The following SUGCT variants were observed in gnomAD, a reference collection of about 807,000 sequenced individuals.
The protein encoded by SUGCT is succinyl-CoA:glutarate CoA-transferase.
In SUGCT, 41 loss-of-function variants were observed where a neutral mutation model predicts 55.0. That is an observed-to-expected ratio of 0.74 (90% CI 0.58 to 0.97). The LOEUF (loss-of-function observed/expected upper bound fraction) is 0.97, where lower values mean the gene tolerates loss of function less well. Ranked by LOEUF, SUGCT falls within the 50% of genes least tolerant of loss-of-function variation. SUGCT has a pLI of 0.00. For missense variants in SUGCT, 568 were observed against 547.8 expected (o/e 1.04, Z -0.37); for synonymous variants, 187 against 200.4 (o/e 0.93, Z 0.56).
chr7:40,396,244 G>A (rs1302227378), intron 9 of SUGCT, among the ~76,000 whole-genome samples: 1 of 152,074 alleles, frequency 6.6e-6, no homozygotes, highest in Non-Finnish European at 1.5e-5. Context: ...TCTGACATGG[G>A]GAAGTCAAAT....
intron 9 of SUGCT, among the ~76,000 whole-genome samples, chr7:40,391,879 CA>C (rs1408018395): frequency 6.6e-6 from 1 of 152,128 alleles, no homozygotes; most frequent in African/African-American, 2.4e-5. Context: ...GACTTGGAAC[CA>C]ACCCAAAGGT....
chr7:40,940,996 T>C, the SUGCT span, among the ~76,000 whole-genome samples: 2 of 152,240 alleles, frequency 1.3e-5, no homozygotes, highest in South Asian at 4.1e-4. Flanking sequence ...TAGTATGTTG[T>C]TGGCTGTGGG....
intron 12 of SUGCT, among the ~76,000 whole-genome samples, chr7:40,676,497 G>GTTTTTTTTT (rs1280564538): frequency 1.6e-5 from 2 of 127,642 alleles, no homozygotes; most frequent in African/African-American, 3.4e-5. Context: ...TTGCGGTTTT[G>GTTTTTTTTT]TTTTTTGTTT....
chr7:40,681,459 TG>T (rs1171708479), intron 12 of SUGCT, among the ~76,000 whole-genome samples: 1 of 152,088 alleles, frequency 6.6e-6, no homozygotes, highest in Non-Finnish European at 1.5e-5. Flanking sequence ...AGAACCCAAC[TG>T]GGGCCCACTT....
At chr7:40,700,972 C>A (rs1214308249) in intron 12 of SUGCT, among the ~76,000 whole-genome samples, 2 of 152,116 alleles carry the variant, frequency 1.3e-5, no homozygotes, top group East Asian at 3.9e-4. Flanking sequence ...AAATTACAAG[C>A]AAGGGTTGGA....
chr7:40,662,011 C>T (rs1006675729), intron 12 of SUGCT, among the ~76,000 whole-genome samples: 2 of 152,228 alleles, frequency 1.3e-5, no homozygotes, highest in Non-Finnish European at 2.9e-5. Context: ...TACTAGAATT[C>T]GTAACTCTAA....
intron 7 of SUGCT, among the ~76,000 whole-genome samples, chr7:40,258,983 G>GA (rs1329404238): frequency 6.6e-6 from 1 of 152,088 alleles, no homozygotes; most frequent in Non-Finnish European, 1.5e-5. Context: ...TTCAGCCTTA[G>GA]AAAAAACAAG....
chr7:40,948,433 C>CATGATGATGATG, the SUGCT span, among the ~76,000 whole-genome samples: 3 of 149,024 alleles, frequency 2.0e-5, no homozygotes, highest in African/African-American at 7.5e-5. Context: ...CCCTGAAAAA[C>CATGATGATGATG]ATGATGATGA....
intron 9 of SUGCT, among the ~76,000 whole-genome samples, chr7:40,410,339 T>C (rs1245073048): frequency 6.6e-6 from 1 of 152,192 alleles, no homozygotes. Flanking sequence ...TTACTTTAGT[T>C]CTTTGTATAA....
intron 1 of SUGCT, 111 bp downstream of exon 1, chr7:40,135,231 C>T (rs953071746): frequency 3.1e-6 from 4 of 1,304,392 alleles, no homozygotes; most frequent in Middle Eastern, 2.0e-4. Context: ...GACCCCTTAG[C>T]GGTGGCTTTG....
chr7:40,497,306 AC>A (rs1166263448), intron 12 of SUGCT, among the ~76,000 whole-genome samples: 5 of 152,158 alleles, frequency 3.3e-5, no homozygotes, highest in Non-Finnish European at 5.9e-5. Flanking sequence ...TTGTTGGAAA[AC>A]CTTTGGTGCC....
At chr7:40,176,563 G>C (rs1784930893) in intron 1 of SUGCT, among the ~76,000 whole-genome samples, 1 of 151,896 alleles carries the variant, frequency 6.6e-6, no homozygotes, top group South Asian at 2.1e-4. Flanking sequence ...CCTTTGCCCA[G>C]AGATAACAAA....
intron 8 of SUGCT, among the ~76,000 whole-genome samples, chr7:40,294,217 T>C (rs1185030017): frequency 6.6e-6 from 1 of 152,154 alleles, no homozygotes. Flanking sequence ...CCCAAAGTGC[T>C]GGGATTACAG....
chr7:40,374,422 C>T (rs893769277), intron 9 of SUGCT, among the ~76,000 whole-genome samples: 11 of 152,148 alleles, frequency 7.2e-5, no homozygotes, highest in African/African-American at 1.9e-4. Context: ...AGCGTTCAAG[C>T]TCCACTTTCC....
intron 1 of SUGCT, among the ~76,000 whole-genome samples, chr7:40,160,741 A>G (rs185385279): frequency 6.6e-6 from 1 of 152,334 alleles, no homozygotes; most frequent in Admixed American, 6.5e-5. Flanking sequence ...TAAAAAGAGC[A>G]GATTTAAAAG....
At chr7:40,919,726 C>T in the SUGCT span, among the ~76,000 whole-genome samples, 3 of 152,290 alleles carry the variant, frequency 2.0e-5, no homozygotes, top group Non-Finnish European at 4.4e-5. Flanking sequence ...CCCCACCCCA[C>T]TACATTTTTA....
chr7:40,837,786 G>C (rs1037988722), intron 13 of SUGCT, among the ~76,000 whole-genome samples: 1 of 152,020 alleles, frequency 6.6e-6, no homozygotes, highest in African/African-American at 2.4e-5. Flanking sequence ...GCTAATTTTT[G>C]TATTTTTAGT....
chr7:40,216,776 A>C (rs753612820), intron 6 of SUGCT, among the ~76,000 whole-genome samples: 1 of 151,842 alleles, frequency 6.6e-6, no homozygotes, highest in Non-Finnish European at 1.5e-5. Context: ...GAATCGCTTG[A>C]ACCTGGGAGG....
intron 12 of SUGCT, among the ~76,000 whole-genome samples, chr7:40,733,694 C>G (rs1020321095): frequency 3.9e-5 from 6 of 152,118 alleles, no homozygotes; most frequent in African/African-American, 1.2e-4. Flanking sequence ...TTGATTGTTC[C>G]CTGTGTGGTT....
Sources: allele counts gnomAD v4.1 joint callset (sites outside exome capture counted in the v4.1 genomes callset), GRCh38; gene constraint gnomAD v4.1.1; transcripts MANE v1.5; gene names NCBI Gene and HGNC (gene_info 2026-07-23, HGNC 2026-07-21).